The following MCU variants were observed in gnomAD, a reference collection of about 807,000 sequenced individuals.
MCU encodes the protein mitochondrial calcium uniporter.
Under a neutral mutation model 45.2 loss-of-function variants are expected in MCU, and 12 were observed. The observed-to-expected ratio is 0.27, with a 90% CI of 0.17 to 0.43. The LOEUF is 0.43. MCU is among the 20% of genes least tolerant of loss of function. The probability of loss-of-function intolerance (pLI) is 1.00; values close to 1 mark genes in which losing one functional copy is unlikely to be tolerated. For missense variants in MCU, 324 were observed against 436.7 expected, an observed-to-expected ratio of 0.74 and a Z score of 2.30; for synonymous variants, 160 against 165.1, an observed-to-expected ratio of 0.97 and a Z score of 0.24.
At chr10:72,700,057 A>AAT (rs1340234362) in intron 1 of MCU, among the ~76,000 whole-genome samples, 1 of 104,466 alleles carries the variant, frequency 9.6e-6, no homozygotes, top group Non-Finnish European at 2.5e-5. Flanking sequence ...ATTGGGGTCA[A>AAT]ATTTTTTTTT....
intron 6 of MCU, 116 bp from the exon 7 acceptor site, chr10:72,884,148 AAC>A (rs1383144963): frequency 7.5e-6 from 5 of 665,530 alleles, no homozygotes; most frequent in African/African-American, 1.8e-5. Flanking sequence ...TTAAATACTT[AAC>A]ACAGCACATG....
chr10:72,840,225 C>T lies in MCU; in HGVS notation c.220+5797C>T, dbSNP rs1039736352. On this transcript the variant is annotated intron_variant, in intron 2 of 7. Transcript: ENST00000373053. ...GTACAATCAATCTTGATTATAGACA[C>T]TCTAATGGATGTGTAATATTACTTC... is the stretch of plus-strand genomic sequence containing the variant. 2.0e-5 allele frequency among the ~76,000 whole-genome samples: 3 copies of T among 152,186 alleles called. No homozygotes were observed. In the South Asian group the frequency reaches 6.2e-4, roughly 32 times the overall value.
intron 1 of MCU, among the ~76,000 whole-genome samples, chr10:72,784,464 A>G (rs1844042009): frequency 6.6e-6 from 1 of 152,224 alleles, no homozygotes; most frequent in African/African-American, 2.4e-5. Context: ...AGGTAAGTAC[A>G]ATTTTTAATT....
intron 2 of MCU, among the ~76,000 whole-genome samples, chr10:72,841,403 T>G (rs1473052893): frequency 7.2e-5 from 11 of 152,126 alleles, no homozygotes; most frequent in Admixed American, 2.6e-4. Flanking sequence ...GTTCAAGTGA[T>G]TCTCCTGCCT....
intron 6 of MCU, among the ~76,000 whole-genome samples, chr10:72,874,385 A>C (rs977246616): frequency 6.6e-6 from 1 of 152,148 alleles, no homozygotes. Context: ...TTTAATATCA[A>C]ATATTTGAAA....
intron 1 of MCU, among the ~76,000 whole-genome samples, chr10:72,812,426 A>G (rs760368962): frequency 3.9e-5 from 6 of 152,214 alleles, no homozygotes; most frequent in East Asian, 3.8e-4. Context: ...GATTACAGGC[A>G]TGAGCCACTG....
intron 1 of MCU, among the ~76,000 whole-genome samples, chr10:72,723,625 G>A (rs1589432789): frequency 6.6e-6 from 1 of 152,114 alleles, no homozygotes; most frequent in East Asian, 1.9e-4. Flanking sequence ...ACTATATTTT[G>A]CTTTTTTTGC....
At chr10:72,750,459 A>G (rs758806945) in intron 1 of MCU, among the ~76,000 whole-genome samples, 1 of 152,178 alleles carries the variant, frequency 6.6e-6, no homozygotes, top group Non-Finnish European at 1.5e-5. Context: ...GATTTTTAAG[A>G]GCGTTGTTCA....
chr10:72,826,322 A>G (rs887623359), intron 1 of MCU, among the ~76,000 whole-genome samples: 5 of 152,230 alleles, frequency 3.3e-5, no homozygotes, highest in African/African-American at 1.2e-4. Flanking sequence ...ACTTAAAAAT[A>G]TAAGCTACTT....
rs6143982 is a variant in MCU at position 72,832,934 on chromosome 10, A to ATGTGTGTGTGTGTGTG, written c.151-1413_151-1398dup. On this transcript the variant is annotated intron_variant, in intron 1 of 7. Coordinates refer to ENST00000373053, the MANE Select transcript of MCU (RefSeq NM_138357.3). ...ATACTGTTTTTTGAAACCAATAGCT[A>ATGTGTGTGTGTGTGTG]TGTGTGTGTGTGTGTGTGTGTGTGT... Among the ~76,000 whole-genome samples, 1,142 of 143,856 alleles carry ATGTGTGTGTGTGTGTG rather than the reference A, an allele frequency of 7.9e-3. 19 individuals are homozygous for ATGTGTGTGTGTGTGTG. Among genetic ancestry groups the ATGTGTGTGTGTGTGTG allele is most frequent in the African/African-American group, 0.022 (859 of 39,460 alleles). The allele number at this position is 143,856 out of a possible 152,430, so 94.4% of individuals were successfully genotyped here. A position where few individuals can be genotyped will look rare whatever the true frequency, so the allele number is the denominator to read the frequency against.
At chr10:72,777,844 A>G (rs975025911) in intron 1 of MCU, among the ~76,000 whole-genome samples, 2 of 152,362 alleles carry the variant, frequency 1.3e-5, no homozygotes, top group African/African-American at 4.8e-5. Context: ...CAATAGCAGA[A>G]TAACAAATAA....
intron 1 of MCU, among the ~76,000 whole-genome samples, chr10:72,709,615 G>A (rs570302956): frequency 1.3e-5 from 2 of 152,054 alleles, no homozygotes; most frequent in South Asian, 2.1e-4. Context: ...GACCCCTAGG[G>A]TATACTTTGT....
chr10:72,882,513 C>A (rs915932082), intron 6 of MCU, among the ~76,000 whole-genome samples: 6 of 152,210 alleles, frequency 3.9e-5, no homozygotes, highest in East Asian at 1.9e-4. Flanking sequence ...TGGGTGTGGC[C>A]GTCTTCTATG....
At chr10:72,706,798 G>C (rs1460601340) in intron 1 of MCU, among the ~76,000 whole-genome samples, 1 of 148,316 alleles carries the variant, frequency 6.7e-6, no homozygotes, top group Non-Finnish European at 1.5e-5. Context: ...GCCTCCCAAA[G>C]TGCTGGGATT....
At chr10:72,774,410 T>C (rs1018399042) in intron 1 of MCU, among the ~76,000 whole-genome samples, 2 of 152,106 alleles carry the variant, frequency 1.3e-5, no homozygotes, top group Admixed American at 6.5e-5. Flanking sequence ...AAACCTATAA[T>C]AGACTTACTA....
intron 1 of MCU, among the ~76,000 whole-genome samples, chr10:72,790,679 T>A (rs1844144944): frequency 6.6e-6 from 1 of 152,204 alleles, no homozygotes; most frequent in Non-Finnish European, 1.5e-5. Flanking sequence ...TCCCTGGTAC[T>A]TATTTATTTA....
At chr10:72,849,158 G>T (rs1359072447) in intron 2 of MCU, among the ~76,000 whole-genome samples, 1 of 151,742 alleles carries the variant, frequency 6.6e-6, no homozygotes, top group African/African-American at 2.4e-5. Context: ...GCAGGCACCT[G>T]TAATCCCAGC....
chr10:72,811,239 T>G (rs1040334162), intron 1 of MCU, among the ~76,000 whole-genome samples: 5 of 152,228 alleles, frequency 3.3e-5, no homozygotes, highest in African/African-American at 1.2e-4. Context: ...TCAGTTCGGT[T>G]GTGGTGGCTG....
chr10:72,865,775 G>A (rs944382090), intron 4 of MCU, among the ~76,000 whole-genome samples: 63 of 123,666 alleles, frequency 5.1e-4, no homozygotes, highest in African/African-American at 1.9e-3. Flanking sequence ...TTTTTTTTTT[G>A]TTTTTTTTTT....
Sources: gnomAD v4.1 joint callset for allele counts (sites outside exome capture counted in the v4.1 genomes callset) on GRCh38, gnomAD v4.1.1 for gene constraint, MANE v1.5 for transcripts, NCBI Gene and HGNC (gene_info 2026-07-23, HGNC 2026-07-21) for gene names.